The following NAV3 variants were observed in gnomAD, a reference collection of about 807,000 sequenced individuals.
NAV3 encodes neuron navigator 3, also known as pore membrane and/or filament interacting like protein 1.
A neutral mutation model predicts 244.7 loss-of-function variants in NAV3; 87 were observed. That is an observed-to-expected ratio of 0.36 (90% CI 0.30 to 0.42). The LOEUF (loss-of-function observed/expected upper bound fraction) is 0.42, where lower values mean the gene tolerates loss of function less well. NAV3 is among the 20% of genes least tolerant of loss of function. The pLI is 1.00. For missense variants in NAV3, 2,663 were observed against 2,893.3 expected, an observed-to-expected ratio of 0.92 and a Z score of 1.83; for synonymous variants, 1,126 against 1,042.2, an observed-to-expected ratio of 1.08 and a Z score of -1.55.
At chr12:77,894,889 T>C (rs1479396146) in intron 1 of NAV3, among the ~76,000 whole-genome samples, 1 of 152,206 alleles carries the variant, frequency 6.6e-6, no homozygotes, top group African/African-American at 2.4e-5. Context: ...AAAAACTGGC[T>C]AAAATCTTTT....
intron 2 of NAV3, among the ~76,000 whole-genome samples, chr12:77,606,076 G>T (rs539269849): frequency 6.6e-6 from 1 of 152,230 alleles, no homozygotes; most frequent in Admixed American, 6.5e-5. Flanking sequence ...GGTCTCTAGA[G>T]ATACCGTCTG....
At chr12:78,017,030 A>G (rs1566022498) in intron 8 of NAV3, among the ~76,000 whole-genome samples, 1 of 152,114 alleles carries the variant, frequency 6.6e-6, no homozygotes, top group Non-Finnish European at 1.5e-5. Flanking sequence ...AGCAACATTT[A>G]CAGGTAGCCA....
intron 3 of NAV3, among the ~76,000 whole-genome samples, chr12:77,965,396 G>A (rs1440516342): frequency 2.0e-5 from 3 of 152,190 alleles, no homozygotes; most frequent in Non-Finnish European, 4.4e-5. Context: ...AAGGCGGGTG[G>A]ATCACTTGAG....
intron 12 of NAV3, among the ~76,000 whole-genome samples, chr12:78,111,887 G>A (rs748462876): frequency 7.2e-5 from 11 of 152,014 alleles, no homozygotes; most frequent in Non-Finnish European, 1.3e-4. Context: ...TGTATGCATT[G>A]TTCAACATGT....
intron 3 of NAV3, among the ~76,000 whole-genome samples, chr12:77,944,080 C>G (rs934918551): frequency 1.3e-5 from 2 of 152,104 alleles, no homozygotes; most frequent in Non-Finnish European, 2.9e-5. Flanking sequence ...ATAACAGCAA[C>G]AGTTACATAG....
Position 77,650,063 on chromosome 12 carries a change from T to C in NAV3, c.72+77797T>C, listed in dbSNP as rs1003255939. Reference sequence around the variant, plus strand: ...GTTTGCCTTCCCTAGATTTGACCCATGTCATACCTTCTATTGCTCCCTCCT... The same window carrying C: ...GTTTGCCTTCCCTAGATTTGACCCACGTCATACCTTCTATTGCTCCCTCCT... On this transcript the variant is annotated intron_variant, in intron 2 of 8. Transcript: ENST00000550042. Among the ~76,000 whole-genome samples, 80 of 152,188 alleles carry C rather than the reference T, an allele frequency of 5.3e-4. 2 individuals carry two copies. Among genetic ancestry groups the C allele is most frequent in the Non-Finnish European group, 2.1e-4 (14 of 68,012 alleles).
chr12:77,968,809 A>G (rs575946840), intron 5 of NAV3, 107 bp downstream of exon 5: 17 of 1,056,938 alleles, frequency 1.6e-5, no homozygotes, highest in African/African-American at 1.3e-4. Context: ...ATGTGCTTGT[A>G]TCAGTGTGAT....
At chr12:77,601,255 G>A (rs1870415843) in intron 2 of NAV3, among the ~76,000 whole-genome samples, 1 of 151,908 alleles carries the variant, frequency 6.6e-6, no homozygotes, top group South Asian at 2.1e-4. Context: ...GCTGATGAGT[G>A]GCAGAGTTAG....
chr12:78,065,523 C>T (rs1371773203), intron 12 of NAV3, among the ~76,000 whole-genome samples: 1 of 152,032 alleles, frequency 6.6e-6, no homozygotes, highest in African/African-American at 2.4e-5. Context: ...AGCTTTAACA[C>T]AAAGATCAAA....
intron 2 of NAV3, among the ~76,000 whole-genome samples, chr12:77,811,425 C>G (rs886409944): frequency 1.3e-5 from 2 of 152,144 alleles, no homozygotes; most frequent in Non-Finnish European, 2.9e-5. Flanking sequence ...CCTCCACCAC[C>G]ATCAAGTCTC....
intron 2 of NAV3, among the ~76,000 whole-genome samples, chr12:77,755,585 C>CCTTTCCTTTCCTTT (rs1565800367): frequency 3.7e-4 from 5 of 13,532 alleles, no homozygotes; most frequent in African/African-American, 3.1e-3. Context: ...TTCCTTTCCT[C>CCTTTCCTTTCCTTT]CCTCCCTCCC....
chr12:77,645,700 G>C (rs1331684157), intron 2 of NAV3, among the ~76,000 whole-genome samples: 2 of 151,820 alleles, frequency 1.3e-5, no homozygotes, highest in African/African-American at 4.8e-5. Flanking sequence ...CTTATTCTTG[G>C]TTATTGCATT....
chr12:77,929,217 G>C (rs1181393615), intron 1 of NAV3, among the ~76,000 whole-genome samples: 1 of 152,088 alleles, frequency 6.6e-6, no homozygotes, highest in African/African-American at 2.4e-5. Flanking sequence ...TTAAGGACTT[G>C]TATTCTTTGC....
chr12:77,981,577 A>T (rs1869567882), intron 5 of NAV3, among the ~76,000 whole-genome samples: 1 of 152,086 alleles, frequency 6.6e-6, no homozygotes, highest in Admixed American at 6.6e-5. Context: ...TTAAACTTTA[A>T]AAAATATATT....
intron 2 of NAV3, among the ~76,000 whole-genome samples, chr12:77,622,672 T>C (rs1402902159): frequency 6.6e-6 from 1 of 151,240 alleles, no homozygotes; most frequent in Non-Finnish European, 1.5e-5. Context: ...AATCCTCATA[T>C]CATAATTCCC....
intron 2 of NAV3, among the ~76,000 whole-genome samples, chr12:77,576,989 T>A (rs1445355654): frequency 6.6e-6 from 1 of 152,114 alleles, no homozygotes; most frequent in African/African-American, 2.4e-5. Context: ...AAGAATGAAT[T>A]GTAGTGTCAG....
intron 2 of NAV3, among the ~76,000 whole-genome samples, chr12:77,750,472 C>G (rs1055004459): frequency 1.3e-5 from 2 of 151,796 alleles, no homozygotes; most frequent in African/African-American, 4.8e-5. Flanking sequence ...TTTGAGTCTG[C>G]AGTGCGCTCT....
At chr12:78,194,472 A>G (rs1959116442) in intron 34 of NAV3, among the ~76,000 whole-genome samples, 1 of 152,000 alleles carries the variant, frequency 6.6e-6, no homozygotes, top group Non-Finnish European at 1.5e-5. Flanking sequence ...ATGTTTTCTT[A>G]TAGATTTCTG....
At chr12:78,136,101 T>C (rs1956360988) in intron 18 of NAV3, among the ~76,000 whole-genome samples, 1 of 152,148 alleles carries the variant, frequency 6.6e-6, no homozygotes, top group Admixed American at 6.6e-5. Context: ...AGCCAGTACT[T>C]GTATTAAGAA....
Sources: gnomAD v4.1 joint callset for allele counts (sites outside exome capture counted in the v4.1 genomes callset) on GRCh38, gnomAD v4.1.1 for gene constraint, MANE v1.5 for transcripts, NCBI Gene and HGNC (gene_info 2026-07-23, HGNC 2026-07-21) for gene names.